Variants in XRCC6 observed in about 807,000 individuals in gnomAD.
XRCC6 encodes the protein X-ray repair cross complementing 6, also known as DNA repair protein Ku70.
In XRCC6, 5 loss-of-function variants were observed where a neutral mutation model predicts 65.7. The ratio of observed to expected loss-of-function variants is 0.08; its 90% CI spans 0.04 to 0.16. XRCC6 has a LOEUF of 0.16. Ranked by LOEUF, XRCC6 falls within the 10% of genes least tolerant of loss-of-function variation. The pLI is 1.00. For missense variants in XRCC6, 447 were observed against 738.1 expected (o/e 0.61, Z 4.57); for synonymous variants, 270 against 270.6 (o/e 1.00, Z 0.02).
intron 6 of XRCC6, among the ~76,000 whole-genome samples, chr22:41,645,867 AT>A (rs1315304875): frequency 6.6e-6 from 1 of 151,590 alleles, no homozygotes; most frequent in East Asian, 2.0e-4. Context: ...TGCCTGGCTA[AT>A]TTTTGTATTT....
intron 3 of XRCC6, among the ~76,000 whole-genome samples, chr22:41,628,779 A>G (rs1601528857): frequency 3.3e-5 from 5 of 152,058 alleles, no homozygotes; most frequent in South Asian, 4.2e-4. Context: ...CTTGGCCAAC[A>G]TGGTGAAACC....
intron 1 of XRCC6, 190 bp from the exon 2 acceptor site, chr22:41,621,800 G>C: frequency 1.7e-6 from 1 of 571,484 alleles, no homozygotes; most frequent in African/African-American, 1.9e-5. Context: ...GCTGAGATGA[G>C]GCAGCTACTG....
chr22:41,659,678 C>T (rs1014948869), intron 11 of XRCC6, among the ~76,000 whole-genome samples: 4 of 151,726 alleles, frequency 2.6e-5, no homozygotes, highest in African/African-American at 9.7e-5. Context: ...TAGGCTGGAC[C>T]TCAGTACATT....
chr22:41,635,420 A>G (rs756971411), intron 3 of XRCC6, among the ~76,000 whole-genome samples: 10 of 152,246 alleles, frequency 6.6e-5, no homozygotes, highest in Non-Finnish European at 1.0e-4. Flanking sequence ...GAAAGATCAC[A>G]TGACCTGTCC....
At chr22:41,663,489 TG>T in intron 12 of XRCC6, 132 bp from the exon 13 acceptor site, 1 of 962,760 alleles carries the variant, frequency 1.0e-6, no homozygotes, top group Non-Finnish European at 1.6e-6. Context: ...GTCTTCCCCA[TG>T]GTGTCCTAGG....
intron 10 of XRCC6, among the ~76,000 whole-genome samples, chr22:41,657,887 G>C (rs971241312): frequency 2.6e-5 from 4 of 151,718 alleles, no homozygotes; most frequent in African/African-American, 9.7e-5. Context: ...ACCGTGGCAC[G>C]ATCATGGCTC....
In XRCC6 at chr22:41,642,940, C is replaced by T. The variant is rs1384565327; in HGVS notation, c.774-3956C>T. On this transcript the variant is annotated intron_variant, in intron 6 of 12. Transcript: ENST00000360079. ...CTGAAGGTATATTAGGTGCTTGCCC[C>T]AGGAACCAAAATTTCTATTTGTGGC... Among the ~76,000 whole-genome samples the T allele has an allele frequency of 3.9e-5, 6 of 152,352 alleles. 1 individual carries two copies. In the South Asian group the frequency reaches 1.0e-3, roughly 26 times the overall value.
At chr22:41,627,860 G>A (rs185829476) in intron 2 of XRCC6, among the ~76,000 whole-genome samples, 202 of 152,122 alleles carry the variant, frequency 1.3e-3, no homozygotes, top group African/African-American at 4.6e-3. Context: ...GGTGATGGGA[G>A]TGTGACCCTA....
intron 6 of XRCC6, among the ~76,000 whole-genome samples, chr22:41,639,596 T>A (rs1054580987): frequency 6.6e-6 from 1 of 151,204 alleles, no homozygotes; most frequent in African/African-American, 2.4e-5. Flanking sequence ...ATCCTCCCAT[T>A]TAGGCCTCCC....
At chr22:41,649,182 A>G (rs1330961326) in intron 7 of XRCC6, among the ~76,000 whole-genome samples, 3 of 141,144 alleles carry the variant, frequency 2.1e-5, no homozygotes, top group Non-Finnish European at 3.0e-5. Flanking sequence ...GTGTGTGTGT[A>G]TATATATATC....
chr22:41,641,223 T>C (rs1465315180), intron 6 of XRCC6, among the ~76,000 whole-genome samples: 1 of 152,224 alleles, frequency 6.6e-6, no homozygotes, highest in Non-Finnish European at 1.5e-5. Flanking sequence ...GTAGGATGGA[T>C]ACTTGATATA....
At chr22:41,658,504 T>A in intron 11 of XRCC6, 152 bp downstream of exon 11, 1 of 731,932 alleles carries the variant, frequency 1.4e-6, no homozygotes, top group Non-Finnish European at 2.3e-6. Flanking sequence ...CCAGACCAGC[T>A]TAAACAGCCA....
chr22:41,632,232 C>T (rs750548128), intron 3 of XRCC6, among the ~76,000 whole-genome samples: 1 of 152,162 alleles, frequency 6.6e-6, no homozygotes, highest in African/African-American at 2.4e-5. Flanking sequence ...GAAGAATTTT[C>T]ACAGATTTAT....
chr22:41,643,154 G>A (rs1357226914), intron 6 of XRCC6, among the ~76,000 whole-genome samples: 2 of 152,224 alleles, frequency 1.3e-5, no homozygotes, highest in Non-Finnish European at 2.9e-5. Flanking sequence ...GCTCACGCCT[G>A]TAATCCCAGC....
rs372012239 is a variant in XRCC6 at position 41,663,825 on chromosome 22, G to A, written c.*10G>A. 24 of 1,606,662 alleles carry A rather than the reference G, an allele frequency of 1.5e-5. No individual in the cohort carries two copies. Among genetic ancestry groups the A allele is most frequent in the Admixed American group, 5.0e-5 (3 of 59,768 alleles). ...GCACTTCCAGGACTGACCAGAGGCCGCGCGTCCAGCTGCCCTTCCGCAGTG... is the reference window on the plus strand; with the variant it reads ...GCACTTCCAGGACTGACCAGAGGCCACGCGTCCAGCTGCCCTTCCGCAGTG... On this transcript the variant is annotated 3_prime_UTR_variant, in exon 13 of 13. Coordinates refer to ENST00000360079, the MANE Select transcript of XRCC6 (RefSeq NM_001469.5).
chr22:41,659,312 A>G (rs1050207812), intron 11 of XRCC6, among the ~76,000 whole-genome samples: 4 of 152,110 alleles, frequency 2.6e-5, no homozygotes, highest in African/African-American at 9.7e-5. Flanking sequence ...CAAATTCAGA[A>G]GTCGGTGGCC....
intron 11 of XRCC6, 27 bp from the exon 12 acceptor site, chr22:41,661,304 C>T (rs200757271): frequency 3.8e-6 from 6 of 1,598,202 alleles, no homozygotes; most frequent in East Asian, 2.2e-5. Flanking sequence ...ACTCACCAGG[C>T]CACTCTTCTG....
chr22:41,629,053 A>G lies in XRCC6; in HGVS notation c.195+823A>G, dbSNP rs5751131. 0.018 allele frequency among the ~76,000 whole-genome samples: 2,710 copies of G among 151,828 alleles called. 610 individuals are homozygous for G. In the East Asian group the frequency reaches 0.48, roughly 27 times the overall value. On this transcript the variant is annotated intron_variant, in intron 3 of 12. Coordinates refer to ENST00000360079, the MANE Select transcript of XRCC6 (RefSeq NM_001469.5). ...GAAAAGATACTCAGCATGTTTAGTC[A>G]TTAGAGAAAGGCAAATGAAAACCAT...
chr22:41,648,093 C>T (rs966928494), intron 7 of XRCC6: 6 of 122,548 alleles, frequency 4.9e-5, no homozygotes, highest in East Asian at 5.6e-4. Flanking sequence ...CTTTTCTTTC[C>T]GCTAGTCAAG....
Sources: gnomAD v4.1 joint callset for allele counts (sites outside exome capture counted in the v4.1 genomes callset) on GRCh38, gnomAD v4.1.1 for gene constraint, MANE v1.5 for transcripts, NCBI Gene and HGNC (gene_info 2026-07-23, HGNC 2026-07-21) for gene names.